PCDHGA10: variants seen among roughly 807,000 people sequenced by gnomAD.
PCDHGA10 encodes protocadherin gamma-A10.
PCDHGA10 carries 42 observed loss-of-function variants against 59.5 expected under a neutral mutation model. That is an observed-to-expected ratio of 0.71 (90% CI 0.55 to 0.91). PCDHGA10 has a LOEUF of 0.91. Ranked by LOEUF, PCDHGA10 falls within the 40% of genes least tolerant of loss-of-function variation. PCDHGA10 has a pLI of 0.00. For synonymous variants in PCDHGA10, 511 were observed against 517.2 expected (o/e 0.99, Z 0.16); for missense variants, 1,111 against 1,198.2 (o/e 0.93, Z 1.07).
Position 141,512,931 on chromosome 5 carries a change from C to T in PCDHGA10, c.*1758C>T, listed in dbSNP as rs2099884512. On this transcript the variant is annotated 3_prime_UTR_variant, in exon 4 of 4. Transcript: ENST00000398610. ...GTTTTATACTCTAATATTTATATGG[C>T]TTTTTTTCTTCGACAAAAAAATAAT... The T allele has an allele frequency of 6.6e-6, 1 of 152,006 alleles. No homozygotes were observed. The highest frequency in any genetic ancestry group is 2.4e-5 in the African/African-American group (1 of 41,414). The allele number at this position is 152,006 out of a possible 1,614,324, so 9.4% of individuals were successfully genotyped here.
intron 1 of PCDHGA10, among the ~76,000 whole-genome samples, chr5:141,460,703 G>A (rs1009662968): frequency 6.6e-6 from 1 of 151,534 alleles, no homozygotes; most frequent in Non-Finnish European, 1.5e-5. Flanking sequence ...AGTTGAATGA[G>A]AATAAACTAT....
Position 141,491,758 on chromosome 5 carries a change from C to A in PCDHGA10, c.2437-3049C>A. The stretch of plus-strand genomic sequence containing the variant: ...TGGGGGCGGCACTGGAGAAGCCGCC[C>A]GTCCTCATAAGGGATTGAACTTGCA... On this transcript the variant is annotated intron_variant, in intron 1 of 3. Coordinates refer to ENST00000398610, the MANE Select transcript of PCDHGA10 (RefSeq NM_018913.3). This position sits in a 1 kb window ranked among gnomAD's most constrained non-coding sequence, Gnocchi z 6.9. 6.3e-7 allele frequency: 1 copy of A among 1,578,788 alleles called. No homozygotes were observed. Among genetic ancestry groups the A allele is most frequent in the Non-Finnish European group, 8.6e-7 (1 of 1,163,522 alleles).
chr5:141,417,659 A>G, intron 1 of PCDHGA10: 1 of 869,514 alleles, frequency 1.2e-6, no homozygotes, highest in Non-Finnish European at 1.7e-6. Context: ...CTAGCCTGGG[A>G]TTCCCTGCGC....
At chr5:141,435,447 A>C (rs2097764160) in intron 1 of PCDHGA10, among the ~76,000 whole-genome samples, 1 of 152,168 alleles carries the variant, frequency 6.6e-6, no homozygotes, top group Non-Finnish European at 1.5e-5. Context: ...CATTAATACG[A>C]TATCTGTATG....
chr5:141,494,528 G>A lies in PCDHGA10; in HGVS notation c.2437-279G>A, dbSNP rs189993899. On this transcript the variant is annotated intron_variant, in intron 1 of 3. Coordinates refer to ENST00000398610, the MANE Select transcript of PCDHGA10 (RefSeq NM_018913.3). ...ATTTTGGCTCAGGAGTTCTGACTCTGGGGGCAGGGAGGAAGGGGCCATTTC... is the reference window on the plus strand; with the variant it reads ...ATTTTGGCTCAGGAGTTCTGACTCTAGGGGCAGGGAGGAAGGGGCCATTTC... 3.0e-4 allele frequency among the ~76,000 whole-genome samples: 45 copies of A among 152,274 alleles called. 1 individual carries two copies. Among genetic ancestry groups the A allele is most frequent in the African/African-American group, 1.0e-3 (42 of 41,542 alleles).
chr5:141,424,294 C>G (rs1260250688), intron 1 of PCDHGA10: 1 of 152,470 alleles, frequency 6.6e-6, no homozygotes, highest in Non-Finnish European at 1.5e-5. Context: ...ATTTCTTCAT[C>G]CTATCAACAC....
intron 1 of PCDHGA10, among the ~76,000 whole-genome samples, chr5:141,457,155 A>G (rs1403164805): frequency 1.3e-5 from 2 of 152,216 alleles, no homozygotes; most frequent in Admixed American, 6.5e-5. Flanking sequence ...AGAAGGTGCT[A>G]CCATGGATAA....
Position 141,491,905 on chromosome 5 carries a change from G to A in PCDHGA10, c.2437-2902G>A. 7.1e-7 allele frequency: 1 copy of A among 1,418,328 alleles called. No individual in the cohort carries two copies. Among genetic ancestry groups the A allele is most frequent in the Non-Finnish European group, 9.3e-7 (1 of 1,069,952 alleles). 87.9% of individuals were successfully genotyped at this position (1,418,328 alleles called of 1,614,324 possible). ...GATGGGGCTCCGAGCACCGGGGGTG[G>A]TGGCGACTGTGGGCGAGGGGAGGTG... On this transcript the variant is annotated intron_variant, in intron 1 of 3. Transcript: ENST00000398610. This position sits in a 1 kb window ranked among gnomAD's most constrained non-coding sequence, Gnocchi z 6.9.
At chr5:141,434,658 T>C (rs1243599957) in intron 1 of PCDHGA10, among the ~76,000 whole-genome samples, 2 of 152,198 alleles carry the variant, frequency 1.3e-5, no homozygotes, top group African/African-American at 2.4e-5. Flanking sequence ...ATCTAATATC[T>C]ATAGAAATGA....
intron 2 of PCDHGA10, among the ~76,000 whole-genome samples, chr5:141,498,394 A>G (rs1043900807): frequency 6.6e-6 from 1 of 152,096 alleles, no homozygotes; most frequent in Non-Finnish European, 1.5e-5. Flanking sequence ...AGGGAATGGC[A>G]GGGAGTTTTC....
At chr5:141,463,844 G>T (rs545618795) in intron 1 of PCDHGA10, among the ~76,000 whole-genome samples, 1 of 152,140 alleles carries the variant, frequency 6.6e-6, no homozygotes, top group African/African-American at 2.4e-5. Context: ...AGTTGTTATA[G>T]TGGTATATCT....
In PCDHGA10 at chr5:141,415,739, G is replaced by GTTT. The variant is rs1561759437; in HGVS notation, c.2436+128_2436+129insTTT. 6 of 435,150 alleles carry GTTT rather than the reference G, an allele frequency of 1.4e-5. No individual in the cohort carries two copies. The African/African-American group carries it at 1.6e-4, about 12-fold the overall frequency. 27.0% of individuals were successfully genotyped at this position (435,150 alleles called of 1,614,324 possible). ...ATGAGTAGAATTTGATGTTTATTAAGGTTTTTTTTTTTTTTTTTTTTTTTT... is the reference window on the plus strand; with the variant it reads ...ATGAGTAGAATTTGATGTTTATTAAGTTTGTTTTTTTTTTTTTTTTTTTTTTTT... On this transcript the variant is annotated intron_variant, in intron 1 of 3. Transcript: ENST00000398610.
chr5:141,485,106 TGGCTGTTTGGGGCGGGTC>T lies in PCDHGA10; in HGVS notation c.2437-9696_2437-9679del. 1 of 1,206,448 alleles carries T rather than the reference TGGCTGTTTGGGGCGGGTC, an allele frequency of 8.3e-7. No homozygotes were observed. The highest frequency in any genetic ancestry group is 1.2e-6 in the Non-Finnish European group (1 of 828,284). 74.7% of individuals were successfully genotyped at this position (1,206,448 alleles called of 1,614,324 possible). Reference sequence around the variant, plus strand: ...GGGAGATAGGTGTCTCCAGCTGCTGTGGCTGTTTGGGGCGGGTCGGCTTCATCCGCGTCTCAGGAGCAA... The same window carrying T: ...GGGAGATAGGTGTCTCCAGCTGCTGTGGCTTCATCCGCGTCTCAGGAGCAA... On this transcript the variant is annotated intron_variant, in intron 1 of 3. Coordinates refer to ENST00000398610, the MANE Select transcript of PCDHGA10 (RefSeq NM_018913.3). This position sits in a 1 kb window ranked among gnomAD's most constrained non-coding sequence, Gnocchi z 5.7.
intron 1 of PCDHGA10, among the ~76,000 whole-genome samples, chr5:141,473,775 T>A (rs1219791398): frequency 6.6e-6 from 1 of 152,190 alleles, no homozygotes; most frequent in African/African-American, 2.4e-5. Flanking sequence ...ATTTGGTATT[T>A]TAATTCAAGA....
At chr5:141,478,598 A>C in intron 1 of PCDHGA10, 1 of 1,566,350 alleles carries the variant, frequency 6.4e-7, no homozygotes, top group South Asian at 1.2e-5. Flanking sequence ...TTATTCCTAC[A>C]TCATATTGAG....
chr5:141,494,801 C>T lies in PCDHGA10; in HGVS notation c.2437-6C>T, dbSNP rs2099757031. ...CTCAGCCCCTTTCCCTCTGTTTTCTCCACAGCAAGCCCCGCCCAACACGGA... is the reference window on the plus strand; with the variant it reads ...CTCAGCCCCTTTCCCTCTGTTTTCTTCACAGCAAGCCCCGCCCAACACGGA... On this transcript the variant is annotated splice_polypyrimidine_tract_variant and splice_region_variant and intron_variant, in intron 1 of 3. Transcript: ENST00000398610. The T allele has an allele frequency of 6.2e-7, 1 of 1,614,146 alleles. No individual in the cohort carries two copies. The highest frequency in any genetic ancestry group is 2.2e-5 in the East Asian group (1 of 44,880).
At chr5:141,443,615 C>T (rs1430581477) in intron 1 of PCDHGA10, among the ~76,000 whole-genome samples, 3 of 152,198 alleles carry the variant, frequency 2.0e-5, no homozygotes, top group Non-Finnish European at 4.4e-5. Flanking sequence ...TTCTTATAAT[C>T]AGGTGATTGT....
At chr5:141,451,926 T>G (rs994841982) in intron 1 of PCDHGA10, among the ~76,000 whole-genome samples, 5 of 151,122 alleles carry the variant, frequency 3.3e-5, no homozygotes, top group Non-Finnish European at 7.4e-5. Context: ...GGAAGGGAGG[T>G]AGGGAGGCAG....
intron 1 of PCDHGA10, among the ~76,000 whole-genome samples, chr5:141,464,689 TATTATGA>T (rs1378742227): frequency 4.6e-5 from 7 of 152,182 alleles, no homozygotes; most frequent in Admixed American, 2.6e-4. Context: ...AAATTTCTCT[TATTATGA>T]ATGAGGTTAA....
Sources: gnomAD v4.1 joint callset for allele counts (sites outside exome capture counted in the v4.1 genomes callset) on GRCh38, gnomAD v4.1.1 for gene constraint, Gnocchi (gnomAD v3.1) non-coding constraint, MANE v1.5 for transcripts, NCBI Gene and HGNC (gene_info 2026-07-23, HGNC 2026-07-21) for gene names.